ENTREP2: variants seen among roughly 807,000 people sequenced by gnomAD.
ENTREP2 encodes endosomal transmembrane epsin interactor 2.
chr15:29,125,573 C>T, the ENTREP2 span, among the ~76,000 whole-genome samples: 6 of 152,190 alleles, frequency 3.9e-5, no homozygotes, highest in South Asian at 6.2e-4. Flanking sequence ...CCTGCACTTC[C>T]ACTTCATGAA....
At chr15:29,390,815 G>T in the ENTREP2 span, among the ~76,000 whole-genome samples, 1 of 152,208 alleles carries the variant, frequency 6.6e-6, no homozygotes, top group Non-Finnish European at 1.5e-5. Context: ...TGATAGTGAA[G>T]CAAGTCCTTC....
the ENTREP2 span, chr15:29,121,995 C>T: frequency 2.0e-5 from 3 of 152,380 alleles, no homozygotes; most frequent in African/African-American, 7.2e-5. Flanking sequence ...GCCCCCTGCC[C>T]TGGCACCCAG....
chr15:29,176,964 C>A, the ENTREP2 span, among the ~76,000 whole-genome samples: 1 of 152,148 alleles, frequency 6.6e-6, no homozygotes, highest in African/African-American at 2.4e-5. Flanking sequence ...TTCCCTGCTA[C>A]CCCAAACACC....
chr15:29,626,583 T>G, the ENTREP2 span, among the ~76,000 whole-genome samples: 18 of 152,238 alleles, frequency 1.2e-4, no homozygotes, highest in African/African-American at 4.3e-4. Flanking sequence ...ACTAATACAG[T>G]ATCTTACTTA....
At chr15:29,580,909 C>T in the ENTREP2 span, among the ~76,000 whole-genome samples, 7 of 152,056 alleles carry the variant, frequency 4.6e-5, no homozygotes, top group Non-Finnish European at 1.0e-4. Context: ...TTAAAATGCT[C>T]CCCCTTTTAA....
At chr15:29,419,748 C>T in the ENTREP2 span, among the ~76,000 whole-genome samples, 1 of 152,160 alleles carries the variant, frequency 6.6e-6, no homozygotes, top group East Asian at 1.9e-4. Flanking sequence ...GACTGGTAGT[C>T]ATTTTCTAAC....
At chr15:29,458,565 T>A in the ENTREP2 span, among the ~76,000 whole-genome samples, 1 of 152,068 alleles carries the variant, frequency 6.6e-6, no homozygotes, top group South Asian at 2.1e-4. Context: ...GAGCTTCCGA[T>A]CCCTGCCCTG....
At chr15:29,564,297 C>T in the ENTREP2 span, among the ~76,000 whole-genome samples, 3 of 152,164 alleles carry the variant, frequency 2.0e-5, no homozygotes, top group Non-Finnish European at 4.4e-5. Flanking sequence ...CTTTGAAGTC[C>T]TTCTTTTCCA....
the ENTREP2 span, among the ~76,000 whole-genome samples, chr15:29,249,898 G>A: frequency 6.6e-6 from 1 of 152,038 alleles, no homozygotes; most frequent in African/African-American, 2.4e-5. Context: ...GCCAGAGCAG[G>A]AGCCAGAGAG....
chr15:29,180,112 T>A, the ENTREP2 span, among the ~76,000 whole-genome samples: 1 of 152,014 alleles, frequency 6.6e-6, no homozygotes, highest in African/African-American at 2.4e-5. Flanking sequence ...AAACCCACCA[T>A]AGGAGTGGAG....
chr15:29,422,384 C>G, the ENTREP2 span, among the ~76,000 whole-genome samples: 21 of 152,192 alleles, frequency 1.4e-4, no homozygotes, highest in African/African-American at 5.1e-4. Context: ...ATTATCTGCT[C>G]TCCTGCCTCT....
the ENTREP2 span, among the ~76,000 whole-genome samples, chr15:29,164,250 A>G: frequency 6.6e-6 from 1 of 152,310 alleles, no homozygotes; most frequent in South Asian, 2.1e-4. Flanking sequence ...TAAAACAAAA[A>G]TACAAGTTAA....
the ENTREP2 span, among the ~76,000 whole-genome samples, chr15:29,393,497 C>T: frequency 1.3e-5 from 2 of 152,166 alleles, no homozygotes; most frequent in Non-Finnish European, 1.5e-5. Flanking sequence ...ATTGTGACTC[C>T]AGCCACCTGC....
chr15:29,439,298 C>A, the ENTREP2 span, among the ~76,000 whole-genome samples: 5 of 133,806 alleles, frequency 3.7e-5, no homozygotes, highest in Non-Finnish European at 8.2e-5. Flanking sequence ...CACACACACA[C>A]ACACACACAC....
chr15:29,443,263 T>C, the ENTREP2 span, among the ~76,000 whole-genome samples: 1 of 152,132 alleles, frequency 6.6e-6, no homozygotes, highest in Non-Finnish European at 1.5e-5. Flanking sequence ...AGCACCACTG[T>C]CATTGGAATC....
At chr15:29,430,912 C>T in the ENTREP2 span, among the ~76,000 whole-genome samples, 27,588 of 152,088 alleles carry the variant, frequency 0.18, 3,067 homozygotes, top group Middle Eastern at 0.37. Context: ...GGTTCCTGGT[C>T]TTACTGACAC....
At chr15:29,470,435 A>T in the ENTREP2 span, among the ~76,000 whole-genome samples, 1 of 151,914 alleles carries the variant, frequency 6.6e-6, no homozygotes, top group Non-Finnish European at 1.5e-5. Flanking sequence ...AACTTCATTC[A>T]CCTCACGCCT....
the ENTREP2 span, among the ~76,000 whole-genome samples, chr15:29,464,430 T>C: frequency 6.6e-6 from 1 of 152,100 alleles, no homozygotes; most frequent in African/African-American, 2.4e-5. Context: ...AAGCATTAAT[T>C]TTAAAACATG....
At chr15:29,318,866 A>G in the ENTREP2 span, among the ~76,000 whole-genome samples, 1 of 152,240 alleles carries the variant, frequency 6.6e-6, no homozygotes, top group African/African-American at 2.4e-5. Flanking sequence ...AAGATTAGGT[A>G]GAAACCAGTT....
Sources: allele counts gnomAD v4.1 joint callset (sites outside exome capture counted in the v4.1 genomes callset), GRCh38; gene constraint gnomAD v4.1.1; transcripts MANE v1.5; gene names NCBI Gene and HGNC (gene_info 2026-07-23, HGNC 2026-07-21).